Variants in KCTD8 observed in about 807,000 individuals in gnomAD.
KCTD8 encodes potassium channel tetramerization domain containing 8.
Under a neutral mutation model 31.5 loss-of-function variants are expected in KCTD8, and 27 were observed. That is an observed-to-expected ratio of 0.86 (90% CI 0.63 to 1.18). The LOEUF is 1.18. Ranked by LOEUF, KCTD8 falls within the 50% of genes most tolerant of loss-of-function variation. The pLI is 0.00. For missense variants in KCTD8, 658 were observed against 647.7 expected (o/e 1.02, Z -0.17); for synonymous variants, 290 against 280.0 (o/e 1.04, Z -0.36).
chr4:44,286,035 A>G (rs1196597313), intron 1 of KCTD8, among the ~76,000 whole-genome samples: 2 of 152,236 alleles, frequency 1.3e-5, no homozygotes, highest in Middle Eastern at 3.4e-3. Context: ...TCCAACCCTT[A>G]TCTTATCTCA....
At chr4:44,273,005 A>G (rs1716656247) in intron 1 of KCTD8, among the ~76,000 whole-genome samples, 2 of 152,064 alleles carry the variant, frequency 1.3e-5, no homozygotes, top group African/African-American at 4.8e-5. Context: ...CATATCAGCA[A>G]CCAAAAAAAT....
At chr4:44,424,359 C>T (rs1721294676) in intron 1 of KCTD8, among the ~76,000 whole-genome samples, 1 of 151,952 alleles carries the variant, frequency 6.6e-6, no homozygotes, top group South Asian at 2.1e-4. Flanking sequence ...AGCATAGGTC[C>T]CTGCTTTTTC....
At chr4:44,247,036 CA>C (rs1358306510) in intron 1 of KCTD8, among the ~76,000 whole-genome samples, 1 of 151,890 alleles carries the variant, frequency 6.6e-6, no homozygotes, top group African/African-American at 2.4e-5. Flanking sequence ...TTATCATTTC[CA>C]ATTTATATCC....
chr4:44,357,430 T>C (rs1256913507), intron 1 of KCTD8, among the ~76,000 whole-genome samples: 1 of 152,174 alleles, frequency 6.6e-6, no homozygotes, highest in African/African-American at 2.4e-5. Context: ...TCAAGAGTAA[T>C]TATAGATAAA....
intron 1 of KCTD8, among the ~76,000 whole-genome samples, chr4:44,312,662 T>A (rs1717989943): frequency 6.6e-6 from 1 of 152,208 alleles, no homozygotes; most frequent in South Asian, 2.1e-4. Context: ...CAAAGTTTGA[T>A]ATGCATCCCT....
At chr4:44,206,666 T>C (rs1653001142) in intron 1 of KCTD8, among the ~76,000 whole-genome samples, 1 of 152,182 alleles carries the variant, frequency 6.6e-6, no homozygotes, top group Admixed American at 6.5e-5. Context: ...AGTCTCTGCA[T>C]ACCCCAATGA....
chr4:44,196,192 A>G (rs188207756), intron 1 of KCTD8, among the ~76,000 whole-genome samples: 26 of 152,220 alleles, frequency 1.7e-4, no homozygotes, highest in Non-Finnish European at 3.5e-4. Flanking sequence ...ACTCATCATT[A>G]TGGTGAAAAT....
chr4:44,375,618 T>C (rs1719897592), intron 1 of KCTD8, among the ~76,000 whole-genome samples: 1 of 152,056 alleles, frequency 6.6e-6, no homozygotes, highest in African/African-American at 2.4e-5. Flanking sequence ...ATTACAGTTG[T>C]CTACCGAAAA....
At chr4:44,380,034 T>C (rs1305364049) in intron 1 of KCTD8, among the ~76,000 whole-genome samples, 1 of 151,828 alleles carries the variant, frequency 6.6e-6, no homozygotes, top group Admixed American at 6.6e-5. Flanking sequence ...ATCTAGCTTA[T>C]ACAGATATAC....
At chr4:44,250,793 T>C (rs1380419099) in intron 1 of KCTD8, among the ~76,000 whole-genome samples, 1 of 151,788 alleles carries the variant, frequency 6.6e-6, no homozygotes, top group Admixed American at 6.6e-5. Context: ...GGTTTCTTTA[T>C]GTATTCTGAG....
chr4:44,211,243 T>G (rs778394949), intron 1 of KCTD8, among the ~76,000 whole-genome samples: 4 of 152,216 alleles, frequency 2.6e-5, no homozygotes, highest in Non-Finnish European at 5.9e-5. Context: ...CTAAACTTTA[T>G]CAGTAACCTT....
intron 1 of KCTD8, among the ~76,000 whole-genome samples, chr4:44,329,451 A>G (rs1718537319): frequency 6.6e-6 from 1 of 151,968 alleles, no homozygotes; most frequent in African/African-American, 2.4e-5. Flanking sequence ...TTTATCTTCT[A>G]ATTTTTTAAA....
intron 1 of KCTD8, among the ~76,000 whole-genome samples, chr4:44,405,106 G>A (rs970455003): frequency 1.3e-5 from 2 of 151,986 alleles, no homozygotes; most frequent in African/African-American, 4.8e-5. Context: ...AATATTCATG[G>A]CCAAACATAC....
chr4:44,273,928 T>C (rs1716680581), intron 1 of KCTD8, among the ~76,000 whole-genome samples: 1 of 151,908 alleles, frequency 6.6e-6, no homozygotes, highest in Non-Finnish European at 1.5e-5. Flanking sequence ...ACATAGATTG[T>C]TATTATCTAA....
intron 1 of KCTD8, among the ~76,000 whole-genome samples, chr4:44,432,517 A>G (rs111831165): frequency 6.6e-6 from 1 of 151,790 alleles, no homozygotes; most frequent in African/African-American, 2.4e-5. Flanking sequence ...CAAATGCTCA[A>G]TTTTTACCAG....
chr4:44,209,938 T>G (rs1325254947), intron 1 of KCTD8, among the ~76,000 whole-genome samples: 3 of 152,142 alleles, frequency 2.0e-5, no homozygotes, highest in African/African-American at 7.2e-5. Flanking sequence ...TGGAGACTGA[T>G]GGAGATTATA....
At chr4:44,265,234 C>T (rs184412266) in intron 1 of KCTD8, among the ~76,000 whole-genome samples, 12 of 152,188 alleles carry the variant, frequency 7.9e-5, no homozygotes, top group Admixed American at 3.3e-4. Flanking sequence ...TCACGGTTCA[C>T]GAAAATCCGC....
intron 1 of KCTD8, among the ~76,000 whole-genome samples, chr4:44,230,022 A>C (rs913955324): frequency 4.6e-5 from 7 of 151,572 alleles, no homozygotes; most frequent in African/African-American, 1.5e-4. Flanking sequence ...CCCTGTGTCC[A>C]TGTGTTCTAA....
At chr4:44,301,258 T>C (rs967870706) in intron 1 of KCTD8, among the ~76,000 whole-genome samples, 7 of 152,146 alleles carry the variant, frequency 4.6e-5, no homozygotes, top group African/African-American at 1.7e-4. Flanking sequence ...GGTCAAATGG[T>C]ATTTCTAGTT....
Sources: allele counts gnomAD v4.1 joint callset (sites outside exome capture counted in the v4.1 genomes callset), GRCh38; gene constraint gnomAD v4.1.1; transcripts MANE v1.5; gene names NCBI Gene and HGNC (gene_info 2026-07-23, HGNC 2026-07-21).